TSHZ2: variants seen among roughly 807,000 people sequenced by gnomAD.
The protein encoded by TSHZ2 is teashirt zinc finger homeobox 2, also known as teashirt homolog 2.
In TSHZ2, 21 loss-of-function variants were observed where a neutral mutation model predicts 74.4. The observed-to-expected ratio is 0.28, with a 90% confidence interval of 0.20 to 0.41. The LOEUF is 0.41. Ranked by LOEUF, TSHZ2 falls within the 10% of genes least tolerant of loss-of-function variation. The pLI, the probability that TSHZ2 is intolerant of heterozygous loss-of-function variation, is 1.00. For missense variants in TSHZ2, 1,244 were observed against 1,293.5 expected (o/e 0.96, Z 0.59); for synonymous variants, 540 against 515.3 (o/e 1.05, Z -0.65).
rs530386310 is a variant in TSHZ2 at position 53,318,399 on chromosome 20, G to C, written c.*8+61828G>C. On this transcript the variant is annotated intron_variant, in intron 2 of 2. Transcript: ENST00000371497. ...CCCCAAAGGCATTCAGAATGCACCA[G>C]AGCTTCATCCTGCTGCCTTTTGCAT... Among the ~76,000 whole-genome samples the C allele has an allele frequency of 2.6e-5, 4 of 152,318 alleles. No individual in the cohort carries two copies. The South Asian group carries it at 8.3e-4, about 32-fold the overall frequency.
intron 2 of TSHZ2, among the ~76,000 whole-genome samples, chr20:53,294,745 G>T (rs1031806885): frequency 5.9e-5 from 9 of 152,216 alleles, no homozygotes; most frequent in African/African-American, 2.2e-4. Context: ...TTGGGTTTAA[G>T]TCTTTCTGAT....
Position 53,254,616 on chromosome 20 carries a change from G to A in TSHZ2, c.1158G>A (p.Gly386=), listed in dbSNP as rs1427252914. 3 of 1,613,356 alleles carry A rather than the reference G, an allele frequency of 1.9e-6. No homozygotes were observed. The highest frequency in any genetic ancestry group is 2.2e-5 in the East Asian group (1 of 44,848). ...KSQILKCMEC[G]SSHDTLQQLT... is the part of the protein sequence containing the mutation. ...AGATCTTAAAGTGCATGGAGTGTGG[G>A]AGCTCCCATGACACCTTGCAGCAGC... is the stretch of plus-strand genomic sequence containing the variant. The change falls in exon 2 of 3, where the codon GGG becomes GGA. Residue 386 remains glycine (G), a synonymous_variant. Transcript: ENST00000371497.
At chr20:53,063,666 CATGCAT>C (rs1351676792) in intron 1 of TSHZ2, among the ~76,000 whole-genome samples, 5 of 152,290 alleles carry the variant, frequency 3.3e-5, no homozygotes, top group South Asian at 2.1e-4. Flanking sequence ...TGTTTGCTTG[CATGCAT>C]ATGCATATGC....
chr20:53,330,569 C>G (rs1427621390), intron 2 of TSHZ2, among the ~76,000 whole-genome samples: 1 of 152,164 alleles, frequency 6.6e-6, no homozygotes, highest in Non-Finnish European at 1.5e-5. Flanking sequence ...AGTAGTCACT[C>G]CTAAGTCATA....
chr20:53,367,377 C>G (rs1981302212), intron 2 of TSHZ2, among the ~76,000 whole-genome samples: 3 of 151,708 alleles, frequency 2.0e-5, no homozygotes, highest in African/African-American at 4.8e-5. Flanking sequence ...GCACTCCAGC[C>G]TGGGTGATAA....
chr20:53,162,602 G>C (rs1987969900), intron 1 of TSHZ2, among the ~76,000 whole-genome samples: 1 of 152,174 alleles, frequency 6.6e-6, no homozygotes, highest in Non-Finnish European at 1.5e-5. Flanking sequence ...CCCAGGACGT[G>C]ACTGCAGGGC....
chr20:53,063,307 A>G (rs1363686566), intron 1 of TSHZ2, among the ~76,000 whole-genome samples: 1 of 152,230 alleles, frequency 6.6e-6, no homozygotes, highest in African/African-American at 2.4e-5. Context: ...GCATGCCTGT[A>G]TATGCACTTA....
chr20:53,355,969 A>G (rs1196964790), intron 2 of TSHZ2, among the ~76,000 whole-genome samples: 1 of 152,194 alleles, frequency 6.6e-6, no homozygotes, highest in Non-Finnish European at 1.5e-5. Context: ...ATAACAAACT[A>G]GTGGAAGGCA....
intron 2 of TSHZ2, among the ~76,000 whole-genome samples, chr20:53,279,224 T>C (rs924442688): frequency 1.3e-5 from 2 of 152,192 alleles, no homozygotes; most frequent in Admixed American, 1.3e-4. Context: ...CATGTATAAG[T>C]GACCCACACA....
intron 2 of TSHZ2, among the ~76,000 whole-genome samples, chr20:53,291,880 T>C (rs1991284605): frequency 6.6e-6 from 1 of 152,074 alleles, no homozygotes; most frequent in African/African-American, 2.4e-5. Context: ...CCTTGAGGAA[T>C]GTCCTTCCTT....
intron 1 of TSHZ2, among the ~76,000 whole-genome samples, chr20:53,090,828 G>A (rs530840702): frequency 6.6e-6 from 1 of 152,332 alleles, no homozygotes; most frequent in East Asian, 1.9e-4. Flanking sequence ...TCAAGCCTGT[G>A]TGGATTCTTT....
intron 2 of TSHZ2, among the ~76,000 whole-genome samples, chr20:53,459,139 C>A (rs1477471450): frequency 6.6e-6 from 1 of 152,116 alleles, no homozygotes; most frequent in Non-Finnish European, 1.5e-5. Context: ...ATTGATCTGT[C>A]TAATGTTGAC....
At chr20:53,131,827 C>A (rs1422389442) in intron 1 of TSHZ2, among the ~76,000 whole-genome samples, 5 of 138,684 alleles carry the variant, frequency 3.6e-5, no homozygotes, top group Non-Finnish European at 8.0e-5. Flanking sequence ...CAACCCCCCC[C>A]CCCCCCCAAA....
chr20:53,465,938 A>G (rs6022494), intron 2 of TSHZ2, among the ~76,000 whole-genome samples: 2,976 of 148,996 alleles, frequency 0.02, 96 homozygotes, highest in African/African-American at 0.069. Flanking sequence ...CATCGCCACC[A>G]TGAGCTTAGA....
intron 1 of TSHZ2, among the ~76,000 whole-genome samples, chr20:53,133,968 T>TTAAAAAAAAA (rs1381925781): frequency 1.7e-5 from 1 of 59,956 alleles, no homozygotes; most frequent in Non-Finnish European, 3.1e-5. Context: ...CCATTTTTTC[T>TTAAAAAAAAA]GAAAAAAAAA....
At chr20:53,041,171 GA>G (rs1484369488) in intron 1 of TSHZ2, among the ~76,000 whole-genome samples, 1 of 152,168 alleles carries the variant, frequency 6.6e-6, no homozygotes, top group Non-Finnish European at 1.5e-5. Flanking sequence ...TTTAAATCAA[GA>G]AGATTAATTT....
chr20:53,027,467 T>C (rs563842692), intron 1 of TSHZ2, among the ~76,000 whole-genome samples: 14 of 152,244 alleles, frequency 9.2e-5, no homozygotes, highest in African/African-American at 3.4e-4. Flanking sequence ...TGGCTAACCC[T>C]GAGGCTGAAG....
intron 2 of TSHZ2, among the ~76,000 whole-genome samples, chr20:53,312,691 G>A (rs6097356): frequency 2.0e-4 from 31 of 152,224 alleles, no homozygotes; most frequent in African/African-American, 7.5e-4. Context: ...TCTTAATTAA[G>A]GGCCTGCAGG....
intron 1 of TSHZ2, among the ~76,000 whole-genome samples, chr20:53,055,847 C>T (rs980647315): frequency 5.3e-5 from 8 of 152,174 alleles, no homozygotes; most frequent in Non-Finnish European, 1.2e-4. Context: ...CACTCAGCTA[C>T]ATTTATTTGT....
Sources: gnomAD v4.1 joint callset for allele counts (sites outside exome capture counted in the v4.1 genomes callset) on GRCh38, gnomAD v4.1.1 for gene constraint, MANE v1.5 for transcripts, NCBI Gene and HGNC (gene_info 2026-07-23, HGNC 2026-07-21) for gene names.